The following COL25A1 variants were observed in gnomAD, a reference collection of about 807,000 sequenced individuals.
COL25A1 encodes the protein collagen alpha-1(XXV) chain.
In COL25A1, 103 loss-of-function variants were observed where a neutral mutation model predicts 128.4. That is an observed-to-expected ratio of 0.80 (90% CI 0.68 to 0.94). The LOEUF is 0.94. Ranked by LOEUF, COL25A1 falls within the 40% of genes least tolerant of loss-of-function variation. The probability of loss-of-function intolerance (pLI) is 0.00; values close to 1 mark genes in which losing one functional copy is unlikely to be tolerated. For missense variants in COL25A1, 745 were observed against 840.0 expected, an observed-to-expected ratio of 0.89 and a Z score of 1.40; for synonymous variants, 279 against 277.2, an observed-to-expected ratio of 1.01 and a Z score of -0.06.
At chr4:108,994,698 A>C (rs1754578464) in intron 6 of COL25A1, among the ~76,000 whole-genome samples, 1 of 152,192 alleles carries the variant, frequency 6.6e-6, no homozygotes, top group African/African-American at 2.4e-5. Flanking sequence ...TGACTGGGAA[A>C]TATCTCCCAG....
intron 3 of COL25A1, among the ~76,000 whole-genome samples, chr4:109,228,779 C>T (rs1778974079): frequency 6.6e-6 from 1 of 152,162 alleles, no homozygotes; most frequent in African/African-American, 2.4e-5. Context: ...AATATGCTAG[C>T]ACCACCATCC....
At chr4:108,845,371 C>T (rs1352478574) in intron 28 of COL25A1, 120 bp from the exon 29 acceptor site, 3 of 751,024 alleles carry the variant, frequency 4.0e-6, no homozygotes, top group East Asian at 2.5e-5. Context: ...GCACTTGCTA[C>T]ATAAAAGAAG....
chr4:108,868,540 A>AAAAAAAAG (rs1193763687), intron 20 of COL25A1, among the ~76,000 whole-genome samples: 1 of 8,540 alleles, frequency 1.2e-4, no homozygotes, highest in Admixed American at 1.5e-3. Context: ...AGAAAGAAAG[A>AAAAAAAAG]AAAGAAAAAA....
chr4:109,047,790 T>C (rs1371460805), intron 5 of COL25A1, among the ~76,000 whole-genome samples: 1 of 147,030 alleles, frequency 6.8e-6, no homozygotes, highest in Non-Finnish European at 1.5e-5. Flanking sequence ...TGGAGTGCAG[T>C]GGCATGATCT....
chr4:109,208,415 T>C (rs1261661163), intron 3 of COL25A1, among the ~76,000 whole-genome samples: 2 of 151,454 alleles, frequency 1.3e-5, no homozygotes, highest in Non-Finnish European at 2.9e-5. Context: ...TCCACCTCAC[T>C]CTGCACTTCA....
intron 35 of COL25A1, among the ~76,000 whole-genome samples, chr4:108,822,261 C>CTCAA (rs1731865170): frequency 6.6e-6 from 1 of 151,908 alleles, no homozygotes; most frequent in African/African-American, 2.4e-5. Flanking sequence ...CCAGGCTGGT[C>CTCAA]TCAAACTCCT....
At chr4:109,032,773 C>T (rs193264194) in intron 5 of COL25A1, among the ~76,000 whole-genome samples, 1 of 152,266 alleles carries the variant, frequency 6.6e-6, no homozygotes, top group East Asian at 1.9e-4. Flanking sequence ...TGATGAGGCT[C>T]GGCAGGTTCT....
chr4:108,907,038 G>A (rs868654663), intron 13 of COL25A1, among the ~76,000 whole-genome samples: 1 of 152,178 alleles, frequency 6.6e-6, no homozygotes, highest in Non-Finnish European at 1.5e-5. Flanking sequence ...GCTGTCACGG[G>A]AAAAGAGAAG....
At chr4:109,212,186 T>C (rs966577860) in intron 3 of COL25A1, among the ~76,000 whole-genome samples, 3 of 152,146 alleles carry the variant, frequency 2.0e-5, no homozygotes, top group Admixed American at 2.0e-4. Context: ...AATAATTTAT[T>C]ATTATCCTAT....
At chr4:108,831,880 T>C (rs1021887499) in intron 32 of COL25A1, among the ~76,000 whole-genome samples, 1 of 152,142 alleles carries the variant, frequency 6.6e-6, no homozygotes, top group Admixed American at 6.5e-5. Flanking sequence ...TATTTCCTTA[T>C]GGTTAAAGAA....
At chr4:109,061,910 T>C (rs532534787) in intron 3 of COL25A1, among the ~76,000 whole-genome samples, 4 of 152,332 alleles carry the variant, frequency 2.6e-5, no homozygotes, top group Non-Finnish European at 4.4e-5. Context: ...CAAGTAAGCA[T>C]TTTCCAATGA....
chr4:109,154,976 C>T (rs1771893783), intron 3 of COL25A1, among the ~76,000 whole-genome samples: 1 of 152,048 alleles, frequency 6.6e-6, no homozygotes, highest in African/African-American at 2.4e-5. Context: ...CCCTAGCTTC[C>T]CTCCTTCCCA....
At chr4:108,888,375 C>G (rs772206749) in intron 18 of COL25A1, among the ~76,000 whole-genome samples, 21 of 152,138 alleles carry the variant, frequency 1.4e-4, no homozygotes, top group Non-Finnish European at 2.5e-4. Flanking sequence ...TCTACAGCAT[C>G]AGCTACTGCT....
intron 6 of COL25A1, among the ~76,000 whole-genome samples, chr4:108,981,545 T>TA (rs1295517455): frequency 5.3e-5 from 8 of 152,048 alleles, no homozygotes; most frequent in South Asian, 2.1e-4. Flanking sequence ...GTAAAAAAGT[T>TA]AAAAAAAAGT....
chr4:108,838,911 T>C (rs1248666336), intron 31 of COL25A1, among the ~76,000 whole-genome samples: 2 of 152,186 alleles, frequency 1.3e-5, no homozygotes, highest in Non-Finnish European at 2.9e-5. Flanking sequence ...GAATACAGTA[T>C]ACCTATTTTC....
intron 8 of COL25A1, among the ~76,000 whole-genome samples, chr4:108,969,844 C>T (rs1352361923): frequency 6.6e-6 from 1 of 152,044 alleles, no homozygotes; most frequent in Admixed American, 6.6e-5. Flanking sequence ...ACTTGGTCAC[C>T]CTGCTTTCAG....
rs1736887228 is a variant in COL25A1, at chr4:108,859,319, C to T, written c.1320+337G>A. Among the ~76,000 whole-genome samples the T allele has an allele frequency of 2.0e-5, 3 of 152,092 alleles. 1 individual carries two copies. Among genetic ancestry groups the T allele is most frequent in the African/African-American group, 7.2e-5 (3 of 41,392 alleles). ...AGATTTGAATGCAAGCAGCTCCAGC[C>T]CCAGAGGCACAGAGCTCTTGATTGC... is the stretch of plus-strand genomic sequence containing the variant. On this transcript the variant is annotated intron_variant, in intron 24 of 37. Transcript: ENST00000399132.
chr4:108,997,860 C>A (rs553843010), intron 6 of COL25A1, among the ~76,000 whole-genome samples: 2 of 152,258 alleles, frequency 1.3e-5, no homozygotes, highest in Admixed American at 1.3e-4. Context: ...GTAAACAGAA[C>A]CAATGACAAA....
At chr4:109,083,480 T>TTTTCG (rs1764056210) in intron 3 of COL25A1, among the ~76,000 whole-genome samples, 1 of 122,156 alleles carries the variant, frequency 8.2e-6, no homozygotes, top group Non-Finnish European at 1.7e-5. Flanking sequence ...TTTTTTTTTT[T>TTTTCG]GAGACGGAGT....
Sources: allele counts gnomAD v4.1 joint callset (sites outside exome capture counted in the v4.1 genomes callset), GRCh38; gene constraint gnomAD v4.1.1; transcripts MANE v1.5; gene names NCBI Gene and HGNC (gene_info 2026-07-23, HGNC 2026-07-21).